Variants in ALCAM observed in about 807,000 individuals in gnomAD.
ALCAM encodes activated leukocyte cell adhesion molecule.
In ALCAM, 30 loss-of-function variants were observed where a neutral mutation model predicts 70.9. The ratio of observed to expected loss-of-function variants is 0.42; its 90% CI spans 0.32 to 0.57. The LOEUF (loss-of-function observed/expected upper bound fraction) is 0.57. Ranked by LOEUF, ALCAM falls within the 20% of genes least tolerant of loss-of-function variation. ALCAM has a pLI of 0.11. For missense variants in ALCAM, 591 were observed against 695.1 expected, an observed-to-expected ratio of 0.85 and a Z score of 1.68; for synonymous variants, 249 against 242.5, an observed-to-expected ratio of 1.03 and a Z score of -0.25.
At chr3:105,518,072 G>T (rs1276900911) in intron 1 of ALCAM, among the ~76,000 whole-genome samples, 1 of 151,970 alleles carries the variant, frequency 6.6e-6, no homozygotes, top group Non-Finnish European at 1.5e-5. Context: ...AAAGAAAAAT[G>T]GTCTGTGAGA....
At chr3:105,555,119 A>G (rs1047872914) in intron 14 of ALCAM, among the ~76,000 whole-genome samples, 2 of 151,936 alleles carry the variant, frequency 1.3e-5, no homozygotes, top group African/African-American at 4.8e-5. Flanking sequence ...AAAATGATGG[A>G]TAAATATATG....
chr3:105,478,330 T>C (rs2152606488), intron 1 of ALCAM, among the ~76,000 whole-genome samples: 1 of 152,272 alleles, frequency 6.6e-6, no homozygotes, highest in East Asian at 1.9e-4. Context: ...GCATATATGA[T>C]TTGAGGTTCA....
At chr3:105,494,425 TTTCC>T (rs147247427) in intron 1 of ALCAM, among the ~76,000 whole-genome samples, 4,224 of 151,780 alleles carry the variant, frequency 0.028, 130 homozygotes, top group African/African-American at 0.077. Flanking sequence ...GCCTTCCTTC[TTTCC>T]TTCCTTCCTT....
At chr3:105,419,986 G>A (rs946622330) in intron 1 of ALCAM, among the ~76,000 whole-genome samples, 4 of 151,794 alleles carry the variant, frequency 2.6e-5, no homozygotes, top group East Asian at 1.9e-4. Context: ...GATGGAAGAC[G>A]GGTGAGTCAG....
intron 1 of ALCAM, among the ~76,000 whole-genome samples, chr3:105,369,789 T>C (rs930085042): frequency 1.3e-5 from 2 of 152,110 alleles, no homozygotes; most frequent in Admixed American, 6.5e-5. Flanking sequence ...CGGCTTGTAG[T>C]CGCTACAAAG....
intron 1 of ALCAM, among the ~76,000 whole-genome samples, chr3:105,485,893 A>G (rs1938416066): frequency 6.6e-6 from 1 of 152,054 alleles, no homozygotes; most frequent in African/African-American, 2.4e-5. Flanking sequence ...TGCTGTAGAA[A>G]TGGACACAAA....
intron 1 of ALCAM, among the ~76,000 whole-genome samples, chr3:105,438,141 G>A (rs1311101586): frequency 6.6e-6 from 1 of 151,832 alleles, no homozygotes; most frequent in East Asian, 1.9e-4. Flanking sequence ...GTATGAGCTT[G>A]ATAGTCCAAT....
intron 1 of ALCAM, among the ~76,000 whole-genome samples, chr3:105,455,260 T>A (rs1163372199): frequency 2.0e-5 from 3 of 151,114 alleles, no homozygotes; most frequent in Non-Finnish European, 4.4e-5. Flanking sequence ...GCTAACACGG[T>A]GAAACCCCGT....
chr3:105,456,376 A>T (rs1937535742), intron 1 of ALCAM, among the ~76,000 whole-genome samples: 1 of 152,216 alleles, frequency 6.6e-6, no homozygotes. Flanking sequence ...ACAAATTGTC[A>T]ATGACAAAAT....
At chr3:105,564,217 C>T (rs1347049285) in intron 14 of ALCAM, among the ~76,000 whole-genome samples, 1 of 152,072 alleles carries the variant, frequency 6.6e-6, no homozygotes, top group Non-Finnish European at 1.5e-5. Flanking sequence ...CTTACCCTTA[C>T]TTACTTCTTT....
intron 11 of ALCAM, among the ~76,000 whole-genome samples, chr3:105,547,735 T>G (rs1016466078): frequency 1.3e-5 from 2 of 151,394 alleles, no homozygotes; most frequent in African/African-American, 4.8e-5. Flanking sequence ...AAGAGAAATT[T>G]TATCCCAGGG....
At chr3:105,451,317 G>A (rs1210369549) in intron 1 of ALCAM, among the ~76,000 whole-genome samples, 1 of 148,792 alleles carries the variant, frequency 6.7e-6, no homozygotes, top group African/African-American at 2.5e-5. Context: ...AAGGGAGAGA[G>A]GGAGGAAAGG....
intron 14 of ALCAM, among the ~76,000 whole-genome samples, chr3:105,560,812 T>C (rs1052697742): frequency 6.6e-6 from 1 of 152,216 alleles, no homozygotes; most frequent in African/African-American, 2.4e-5. Flanking sequence ...AACACATTTG[T>C]CAAAACTTAA....
In ALCAM at chr3:105,371,933, C is replaced by A. The variant is rs182571663; in HGVS notation, c.73+4452C>A. ...TTGTTAAGTATTCACAGAGGCTAAT[C>A]TCATTTCTTACACATTATGTGTGTG... On this transcript the variant is annotated intron_variant, in intron 1 of 15. Transcript: ENST00000306107. Among the ~76,000 whole-genome samples the A allele has an allele frequency of 1.8e-4, 28 of 152,274 alleles. No individual in the cohort carries two copies. The East Asian group carries it at 4.6e-3, about 25-fold the overall frequency.
At chr3:105,451,379 G>A (rs911658016) in intron 1 of ALCAM, among the ~76,000 whole-genome samples, 3 of 152,014 alleles carry the variant, frequency 2.0e-5, no homozygotes, top group Non-Finnish European at 4.4e-5. Context: ...AAGCAAGAAA[G>A]AGAAAGAAGG....
At chr3:105,543,043 C>G (rs503321) in intron 8 of ALCAM, among the ~76,000 whole-genome samples, 36,659 of 151,584 alleles carry the variant, frequency 0.24, 4,647 homozygotes, top group Admixed American at 0.32. Context: ...ATAGCTAGCT[C>G]TCTATTATCA....
At chr3:105,454,500 T>C (rs1937506668) in intron 1 of ALCAM, among the ~76,000 whole-genome samples, 1 of 152,004 alleles carries the variant, frequency 6.6e-6, no homozygotes, top group African/African-American at 2.4e-5. Flanking sequence ...GGAGACTGAG[T>C]AGATCACAGT....
chr3:105,552,068 T>A (rs1351054104), intron 12 of ALCAM, 76 bp from the exon 13 acceptor site: 1 of 1,038,938 alleles, frequency 9.6e-7, no homozygotes, highest in East Asian at 2.6e-5. Context: ...TATTACATCA[T>A]ACTATAATGG....
intron 1 of ALCAM, among the ~76,000 whole-genome samples, chr3:105,375,293 G>A (rs1935346987): frequency 6.6e-6 from 1 of 152,274 alleles, no homozygotes; most frequent in South Asian, 2.1e-4. Flanking sequence ...ATTTTCAGAA[G>A]TGCATTTTGC....
Sources: allele counts gnomAD v4.1 joint callset (sites outside exome capture counted in the v4.1 genomes callset), GRCh38; gene constraint gnomAD v4.1.1; transcripts MANE v1.5; gene names NCBI Gene and HGNC (gene_info 2026-07-23, HGNC 2026-07-21).